Variants in LRP2 observed in about 807,000 individuals in gnomAD.
LRP2 encodes the protein low-density lipoprotein receptor-related protein 2.
In LRP2, 172 loss-of-function variants were observed where a neutral mutation model predicts 531.0. The observed-to-expected ratio is 0.32, with a 90% CI of 0.29 to 0.37. The LOEUF is 0.37. LRP2 is among the 10% of genes least tolerant of loss of function. LRP2 has a pLI of 1.00. For missense variants in LRP2, 5,167 were observed against 5,868.3 expected (o/e 0.88, Z 3.90); for synonymous variants, 1,992 against 2,027.6 (o/e 0.98, Z 0.47).
intron 35 of LRP2, among the ~76,000 whole-genome samples, chr2:169,216,016 G>A (rs935301149): frequency 2.6e-5 from 4 of 151,946 alleles, no homozygotes; most frequent in Non-Finnish European, 5.9e-5. Flanking sequence ...AAACGTTGGT[G>A]GGGAAATTAA....
chr2:169,150,610 A>C (rs1686082931), intron 68 of LRP2, among the ~76,000 whole-genome samples: 1 of 152,228 alleles, frequency 6.6e-6, no homozygotes, highest in African/African-American at 2.4e-5. Context: ...CACTTAAAAC[A>C]GTTATATCCA....
intron 1 of LRP2, among the ~76,000 whole-genome samples, chr2:169,325,466 G>T (rs1685023866): frequency 6.6e-6 from 1 of 152,108 alleles, no homozygotes; most frequent in South Asian, 2.1e-4. Context: ...CCTTTGGTAT[G>T]GATAGACATC....
chr2:169,213,556 G>GTATGCACGTA, intron 36 of LRP2, 101 bp downstream of exon 36: 1 of 940,000 alleles, frequency 1.1e-6, no homozygotes, highest in Non-Finnish European at 1.8e-6. Flanking sequence ...GTATGCACGT[G>GTATGCACGTA]TATGTACGTG....
At position 169,213,847 on chromosome 2, in the gene LRP2, T is replaced by G. The variant is rs1688683112; in HGVS notation, c.5850A>C (p.Gly1950=). The G allele has an allele frequency of 1.2e-6, 2 of 1,613,474 alleles. No individual in the cohort carries two copies. Among genetic ancestry groups the G allele is most frequent in the Non-Finnish European group, 1.7e-6 (2 of 1,179,504 alleles). Residue 1950 remains glycine (G), a synonymous_variant, in exon 36 of 79, where the codon GGA becomes GGC. Coordinates refer to ENST00000649046, the MANE Select transcript of LRP2 (RefSeq NM_004525.3). ...RGVIERGNVD[G]TDRMILVHQL... ...GGTGTACCAGGATCATTCGATCTGT[T>G]CCATCCACGTTTCCTCTTTCAATCT... is the stretch of plus-strand genomic sequence containing the variant.
chr2:169,202,178 A>G (rs1343744262), intron 43 of LRP2, among the ~76,000 whole-genome samples: 1 of 152,198 alleles, frequency 6.6e-6, no homozygotes, highest in Non-Finnish European at 1.5e-5. Flanking sequence ...AGTTTATTTC[A>G]GGAAAATAAA....
At chr2:169,132,916 A>C (rs1685347125) in intron 76 of LRP2, among the ~76,000 whole-genome samples, 1 of 152,112 alleles carries the variant, frequency 6.6e-6, no homozygotes. Flanking sequence ...TGGGAGGCAA[A>C]TACATCCCTC....
At chr2:169,285,900 T>C (rs149418706) in intron 9 of LRP2, among the ~76,000 whole-genome samples, 1 of 152,180 alleles carries the variant, frequency 6.6e-6, no homozygotes, top group Non-Finnish European at 1.5e-5. Flanking sequence ...TGGGGAGCCA[T>C]GTCTAAGATA....
rs759258938 is a variant in LRP2 at position 169,129,098 on chromosome 2, G to A, written c.13729-14C>T. 1.9e-5 allele frequency: 29 copies of A among 1,564,948 alleles called. No individual in the cohort carries two copies. The highest frequency in any genetic ancestry group is 9.5e-5 in the African/African-American group (7 of 73,890). On this transcript the variant is annotated splice_polypyrimidine_tract_variant and intron_variant, in intron 77 of 78. Transcript: ENST00000649046. ...CCATTTTGTCACCTAAATGAAAAGG[G>A]GAAAACAAAAACCTCTCAGTAATGG...
At chr2:169,129,709 G>A (rs1371452588) in intron 77 of LRP2, among the ~76,000 whole-genome samples, 1 of 152,134 alleles carries the variant, frequency 6.6e-6, no homozygotes, top group Non-Finnish European at 1.5e-5. Context: ...GTCACAGCAA[G>A]ATTATACAAC....
intron 1 of LRP2, among the ~76,000 whole-genome samples, chr2:169,345,058 C>T (rs1476683329): frequency 2.0e-5 from 3 of 152,162 alleles, no homozygotes; most frequent in African/African-American, 7.2e-5. Flanking sequence ...AAATTGTTAA[C>T]AAGGAGTTAA....
At chr2:169,146,695 G>A (rs1014388565) in intron 69 of LRP2, 44 bp downstream of exon 69, 5 of 1,435,560 alleles carry the variant, frequency 3.5e-6, no homozygotes, top group Admixed American at 1.7e-5. Flanking sequence ...TTAGAAATAT[G>A]TTAATTATTA....
chr2:169,248,622 G>A (rs1229694923), intron 19 of LRP2, among the ~76,000 whole-genome samples: 1 of 150,040 alleles, frequency 6.7e-6, no homozygotes, highest in Non-Finnish European at 1.5e-5. Context: ...CAGCAATGTT[G>A]AGGGGAGGAG....
At chr2:169,281,835 G>C (rs1435439658) in intron 10 of LRP2, among the ~76,000 whole-genome samples, 1 of 152,022 alleles carries the variant, frequency 6.6e-6, no homozygotes, top group Admixed American at 6.6e-5. Flanking sequence ...ATGCAGAACT[G>C]TGCATATAGT....
chr2:169,177,267 A>C (rs568301984), intron 53 of LRP2, among the ~76,000 whole-genome samples: 1 of 152,356 alleles, frequency 6.6e-6, no homozygotes, highest in East Asian at 1.9e-4. Flanking sequence ...TAAATCATAA[A>C]GTTGCTTTAA....
At chr2:169,338,335 AGAAAGAAAGAAG>A (rs796833725) in intron 1 of LRP2, among the ~76,000 whole-genome samples, 291 of 133,894 alleles carry the variant, frequency 2.2e-3, no homozygotes, top group South Asian at 6.1e-3. Context: ...AGAGAGACAG[AGAAAGAAAGAAG>A]GAAAGAAAGA....
intron 31 of LRP2, among the ~76,000 whole-genome samples, chr2:169,227,357 T>C (rs1574154448): frequency 6.6e-6 from 1 of 152,250 alleles, no homozygotes; most frequent in African/African-American, 2.4e-5. Flanking sequence ...CAAAACTGTC[T>C]ACACATTGTA....
intron 59 of LRP2, among the ~76,000 whole-genome samples, 192 bp downstream of exon 59, chr2:169,170,359 C>A (rs1448671537): frequency 2.0e-5 from 3 of 152,150 alleles, no homozygotes; most frequent in Admixed American, 6.5e-5. Context: ...TCAATTATGA[C>A]TAATCTAGAC....
chr2:169,275,144 C>A lies in LRP2; in HGVS notation c.1867G>T (p.Ala623Ser). Residue 623 changes from alanine (A) to serine (S), a missense_variant, in exon 14 of 79, where the codon GCC (alanine) becomes TCC (serine). By Grantham distance (99) the Ala-to-Ser change is moderately conservative. Transcript: ENST00000649046. ...QVFFTDWTKM[A>S]VLKANKFTET... ...GTGAACTTGTTTGCCTTCAGCACGG[C>A]CATCTTTGTCCAATCTGTAAAGAAC... 6.2e-7 allele frequency: 1 copy of A among 1,613,750 alleles called. No homozygotes were observed. Among genetic ancestry groups the A allele is most frequent in the Non-Finnish European group, 8.5e-7 (1 of 1,179,838 alleles).
intron 1 of LRP2, among the ~76,000 whole-genome samples, chr2:169,323,986 C>T (rs576953500): frequency 6.6e-6 from 1 of 152,198 alleles, no homozygotes; most frequent in South Asian, 2.1e-4. Flanking sequence ...AATGAACACC[C>T]TATCTCTCCA....
Sources: allele counts gnomAD v4.1 joint callset (sites outside exome capture counted in the v4.1 genomes callset), GRCh38; gene constraint gnomAD v4.1.1; transcripts MANE v1.5; gene names NCBI Gene and HGNC (gene_info 2026-07-23, HGNC 2026-07-21).